The following SCML2 variants were observed in gnomAD, a reference collection of about 807,000 sequenced individuals.
SCML2 encodes the protein Scm polycomb group protein like 2.
A neutral mutation model predicts 48.4 loss-of-function variants in SCML2; 6 were observed. The ratio of observed to expected loss-of-function variants is 0.12; its 90% CI spans 0.07 to 0.24. The LOEUF is 0.24. SCML2 is among the 10% of genes least tolerant of loss of function. The probability of loss-of-function intolerance (pLI) is 1.00; values close to 1 mark genes in which losing one functional copy is unlikely to be tolerated. For synonymous variants in SCML2, 181 were observed against 189.5 expected, an observed-to-expected ratio of 0.95 and a Z score of 0.37; for missense variants, 377 against 528.2, an observed-to-expected ratio of 0.71 and a Z score of 2.81.
At chrX:18,262,682 G>A (rs1227311578) in intron 8 of SCML2, among the ~76,000 whole-genome samples, 1 of 106,118 alleles carries the variant, frequency 9.4e-6, no homozygotes, top group Non-Finnish European at 1.9e-5. Flanking sequence ...TGTCTCCTCT[G>A]TGTTTGGTTC....
At chrX:18,289,052 C>T (rs1569150060) in intron 7 of SCML2, among the ~76,000 whole-genome samples, 2 of 111,569 alleles carry the variant, frequency 1.8e-5, no homozygotes, top group Non-Finnish European at 3.8e-5. Flanking sequence ...AAAGGTTACC[C>T]GGGGTCAGAG....
chrX:18,273,726 C>A (rs984334622), intron 7 of SCML2, among the ~76,000 whole-genome samples: 1 of 111,651 alleles, frequency 9.0e-6, no homozygotes, highest in African/African-American at 3.3e-5. Flanking sequence ...GAACTTACAT[C>A]TCTGTTTTAC....
chrX:18,309,177 G>A (rs1928862908), intron 6 of SCML2, among the ~76,000 whole-genome samples: 1 of 98,785 alleles, frequency 1.0e-5, no homozygotes, highest in South Asian at 5.0e-4. Flanking sequence ...CTTCAGCCTT[G>A]GAGACAGAAT....
At chrX:18,321,619 A>C (rs1368578086) in intron 5 of SCML2, among the ~76,000 whole-genome samples, 3 of 101,457 alleles carry the variant, frequency 3.0e-5, no homozygotes, top group Middle Eastern at 5.2e-3. Context: ...AAAAAAAAAA[A>C]CAGGGGTGGG....
At chrX:18,324,875 C>T in intron 4 of SCML2, 32 bp downstream of exon 4, 1 of 1,045,109 alleles carries the variant, frequency 9.6e-7, no homozygotes, top group Non-Finnish European at 1.3e-6. Flanking sequence ...TAATAGTTTA[C>T]ATTAACTAAC....
At chrX:18,245,166 C>A (rs1368327702) in intron 13 of SCML2, among the ~76,000 whole-genome samples, 3 of 111,762 alleles carry the variant, frequency 2.7e-5, no homozygotes, top group Admixed American at 9.5e-5. Context: ...CCCTGGCATA[C>A]ATCAGATAGT....
At chrX:18,339,974 A>G (rs907046252) in intron 1 of SCML2, among the ~76,000 whole-genome samples, 1 of 112,276 alleles carries the variant, frequency 8.9e-6, no homozygotes, top group African/African-American at 3.2e-5. Flanking sequence ...GTAAACCCAT[A>G]TACAACATAT....
chrX:18,259,872 G>A (rs1441110055), intron 9 of SCML2, among the ~76,000 whole-genome samples: 6 of 111,482 alleles, frequency 5.4e-5, no homozygotes, highest in African/African-American at 2.0e-4. Flanking sequence ...TTTGAAATGA[G>A]ATAAAGGGAA....
rs1005653631 is a variant in SCML2, at chrX:18,334,461, C to G, written c.-24-366G>C. On this transcript the variant is annotated intron_variant, in intron 1 of 14. Transcript: ENST00000251900. ...TTAAAATTAATTGAGTAAAAAAGAA[C>G]AGTTGGTAGGTTAGCAAAGTTAGGA... Among the ~76,000 whole-genome samples, 4 of 111,511 alleles carry G rather than the reference C, an allele frequency of 3.6e-5. No individual in the cohort carries two copies. In the South Asian group the frequency reaches 1.5e-3, roughly 42 times the overall value.
At chrX:18,268,373 G>A (rs780344709) in intron 7 of SCML2, among the ~76,000 whole-genome samples, 1 of 110,862 alleles carries the variant, frequency 9.0e-6, no homozygotes, top group East Asian at 2.9e-4. Context: ...CTACTAAATA[G>A]ACAAAATTAG....
intron 1 of SCML2, among the ~76,000 whole-genome samples, chrX:18,343,646 G>C (rs1417515779): frequency 9.3e-6 from 1 of 108,071 alleles, no homozygotes; most frequent in Admixed American, 1.0e-4. Flanking sequence ...TGTAATCCCA[G>C]CTACTCAGGA....
rs746775174 is a variant in SCML2 at position 18,330,635 on chromosome X, CCTT to C, written c.40_42del (p.Lys14del). On this transcript the variant is annotated inframe_deletion, in exon 3 of 15. Transcript: ENST00000251900. ...GACTGAGGAGTTTTCTCTTGATTCT[CCTT>C]CTTGACATCCATGGAATCTAATAAA... The C allele has an allele frequency of 2.4e-3, 2,809 of 1,164,213 alleles. 5 individuals carry two copies. Among genetic ancestry groups the C allele is most frequent in the Non-Finnish European group, 3.1e-3 (2,649 of 865,048 alleles).
intron 11 of SCML2, among the ~76,000 whole-genome samples, chrX:18,251,394 C>T (rs1257014757): frequency 4.8e-5 from 5 of 104,551 alleles, no homozygotes; most frequent in African/African-American, 1.8e-4. Context: ...AAAGCATATA[C>T]CTCATATAGG....
intron 3 of SCML2, 107 bp from the exon 4 acceptor site, chrX:18,325,084 A>AAC: frequency 2.5e-6 from 1 of 397,167 alleles, no homozygotes; most frequent in Non-Finnish European, 4.3e-6. Context: ...TGCCTCTTAA[A>AAC]AGAAAAAAAA....
chrX:18,290,800 T>A lies in SCML2; in HGVS notation c.730+14172A>T, dbSNP rs764367496. On this transcript the variant is annotated intron_variant, in intron 7 of 14. Transcript: ENST00000251900. Reference sequence around the variant, plus strand: ...AGAAAAATAAGAGATTTTAAAAAAATTTTTCACATAGCCTTCAAAACAAGG... The same window carrying A: ...AGAAAAATAAGAGATTTTAAAAAAAATTTTCACATAGCCTTCAAAACAAGG... Among the ~76,000 whole-genome samples the A allele has an allele frequency of 5.7e-4, 63 of 111,447 alleles. 2 individuals carry two copies. In the East Asian group the frequency reaches 0.011, roughly 19 times the overall value.
intron 9 of SCML2, among the ~76,000 whole-genome samples, chrX:18,259,754 G>GA (rs1483889986): frequency 9.0e-6 from 1 of 110,981 alleles, no homozygotes. Context: ...AAATTAAAAG[G>GA]AAAAAAAAGT....
intron 13 of SCML2, among the ~76,000 whole-genome samples, chrX:18,242,791 C>CA (rs1294703361): frequency 3.6e-5 from 4 of 111,458 alleles, no homozygotes; most frequent in African/African-American, 1.3e-4. Flanking sequence ...TGACCTCCCC[C>CA]AAACAACAAA....
intron 1 of SCML2, among the ~76,000 whole-genome samples, chrX:18,349,454 T>C (rs1233716506): frequency 1.8e-5 from 2 of 112,466 alleles, no homozygotes; most frequent in African/African-American, 6.5e-5. Flanking sequence ...GATCCTCAAA[T>C]ATTTCACTTT....
chrX:18,300,664 G>A (rs1362479586), intron 7 of SCML2, among the ~76,000 whole-genome samples: 1 of 109,107 alleles, frequency 9.2e-6, no homozygotes, highest in Admixed American at 9.9e-5. Flanking sequence ...TGTGGCAGAC[G>A]CCTATAATCC....
Sources: gnomAD v4.1 joint callset for allele counts (sites outside exome capture counted in the v4.1 genomes callset) on GRCh38, gnomAD v4.1.1 for gene constraint, MANE v1.5 for transcripts, NCBI Gene and HGNC (gene_info 2026-07-23, HGNC 2026-07-21) for gene names.